The following LRRC4B variants were observed in gnomAD, a reference collection of about 807,000 sequenced individuals.
LRRC4B encodes the protein leucine-rich repeat-containing protein 4B.
LRRC4B carries 1 observed loss-of-function variant against 7.3 expected under a neutral mutation model. That is an observed-to-expected ratio of 0.14 (90% CI 0.05 to 0.65). The LOEUF is 0.65. LRRC4B is among the 30% of genes least tolerant of loss of function. The pLI is 0.84. For missense variants in LRRC4B, 730 were observed against 1,041.6 expected, an observed-to-expected ratio of 0.70 and a Z score of 4.12; for synonymous variants, 500 against 499.2, an observed-to-expected ratio of 1.00 and a Z score of -0.02.
In LRRC4B at chr19:50,548,882, G is replaced by C. The variant is rs1003628920; in HGVS notation, c.-35-9C>G. ...GCGTGGACGCTGGGGGGCTGTGGGT[G>C]GGGGAGAGAAGGGGGAGAGGCTTGG... On this transcript the variant is annotated splice_polypyrimidine_tract_variant and intron_variant, in intron 1 of 2. Transcript: ENST00000652263. The surrounding 1 kb of genome is among the most constrained non-coding windows in gnomAD (Gnocchi z 6.8). 2.3e-6 allele frequency: 3 copies of C among 1,320,942 alleles called. No individual in the cohort carries two copies. The highest frequency in any genetic ancestry group is 3.0e-6 in the Non-Finnish European group (3 of 994,900). The allele number at this position is 1,320,942 out of a possible 1,614,324, so 81.8% of individuals were successfully genotyped here.
Position 50,555,444 on chromosome 19 carries a change from G to A in LRRC4B, c.-35-6571C>T, listed in dbSNP as rs1251348138. On this transcript the variant is annotated intron_variant, in intron 1 of 2. Transcript: ENST00000652263. This position sits in a 1 kb window ranked among gnomAD's most constrained non-coding sequence, Gnocchi z 5.2. ...GCAGACACAGAAGGACCCCAAAGAG[G>A]AGAAGTACGAGGGGCAGAGAGTGGC... 1 of 153,278 alleles carries A rather than the reference G, an allele frequency of 6.5e-6. No homozygotes were observed. Among genetic ancestry groups the A allele is most frequent in the Non-Finnish European group, 1.5e-5 (1 of 68,860 alleles). The allele number at this position is 153,278 out of a possible 1,614,324, so 9.5% of individuals were successfully genotyped here.
chr19:50,540,282 C>T (rs1334593482), intron 2 of LRRC4B, among the ~76,000 whole-genome samples: 1 of 152,176 alleles, frequency 6.6e-6, no homozygotes, highest in Non-Finnish European at 1.5e-5. Flanking sequence ...AGGAGGTGAG[C>T]AGCAGGCGAG....
chr19:50,551,887 C>T, intron 1 of LRRC4B, among the ~76,000 whole-genome samples: 1 of 144,846 alleles, frequency 6.9e-6, no homozygotes, highest in Non-Finnish European at 1.5e-5. Context: ...CCTTCTTTCT[C>T]TCCTTCTGAA....
At chr19:50,561,926 T>C (rs1361804642) in intron 1 of LRRC4B, among the ~76,000 whole-genome samples, 1 of 150,624 alleles carries the variant, frequency 6.6e-6, no homozygotes, top group Non-Finnish European at 1.5e-5. Context: ...TGAAACGGTG[T>C]CTCTACCATA....
At position 50,544,079 on chromosome 19, in the gene LRRC4B, C is replaced by T. The variant is rs528667131; in HGVS notation, c.297+4463G>A. ...AAAATTAGCTGGGCGTGGTGGTGTG[C>T]GCCTGTAATCCCAGCTACTTGGGAG... On this transcript the variant is annotated intron_variant, in intron 2 of 2. Transcript: ENST00000652263. Among the ~76,000 whole-genome samples the T allele has an allele frequency of 1.9e-4, 29 of 151,728 alleles. 1 individual carries two copies. The South Asian group carries it at 4.6e-3, about 24-fold the overall frequency.
At chr19:50,567,515 C>A (rs538301334) in intron 1 of LRRC4B, among the ~76,000 whole-genome samples, 104 of 151,720 alleles carry the variant, frequency 6.9e-4, no homozygotes, top group African/African-American at 2.3e-3. Flanking sequence ...GTGCCCCCCC[C>A]ACCCCAAGCA....
chr19:50,540,456 G>C (rs189392380), intron 2 of LRRC4B, among the ~76,000 whole-genome samples: 2 of 152,018 alleles, frequency 1.3e-5, no homozygotes, highest in African/African-American at 4.8e-5. Context: ...TCCGCCTCTC[G>C]GGTTCAAGTG....
At chr19:50,525,565 C>T (rs994657557) in intron 2 of LRRC4B, among the ~76,000 whole-genome samples, 10 of 148,672 alleles carry the variant, frequency 6.7e-5, no homozygotes, top group Admixed American at 5.5e-4. Context: ...TCCACCACAC[C>T]CGGCTAATTT....
At chr19:50,521,706 G>A (rs1054913039) in intron 2 of LRRC4B, among the ~76,000 whole-genome samples, 1 of 151,940 alleles carries the variant, frequency 6.6e-6, no homozygotes, top group East Asian at 1.9e-4. Context: ...GATTACAGGC[G>A]TGAGCCACCG....
intron 2 of LRRC4B, among the ~76,000 whole-genome samples, chr19:50,521,662 G>A (rs1568716776): frequency 2.0e-5 from 3 of 151,832 alleles, no homozygotes; most frequent in Admixed American, 6.6e-5. Flanking sequence ...TCCTGACCTC[G>A]TGATCCACCC....
chr19:50,536,393 G>C (rs555978633), intron 2 of LRRC4B, among the ~76,000 whole-genome samples: 3 of 152,110 alleles, frequency 2.0e-5, no homozygotes, highest in Non-Finnish European at 1.5e-5. Context: ...TCAGCCTCCC[G>C]AAGTGCTAGG....
chr19:50,535,041 T>G (rs1388363824), intron 2 of LRRC4B, among the ~76,000 whole-genome samples: 1 of 150,574 alleles, frequency 6.6e-6, no homozygotes, highest in Non-Finnish European at 1.5e-5. Context: ...GCTAATTGTT[T>G]GTATTTTTAG....
Position 50,517,534 on chromosome 19 carries a change from G to A in LRRC4B, c.*37C>T. The A allele has an allele frequency of 7.2e-7, 1 of 1,395,902 alleles. No homozygotes were observed. The highest frequency in any genetic ancestry group is 9.3e-7 in the Non-Finnish European group (1 of 1,074,704). The allele number at this position is 1,395,902 out of a possible 1,614,324, so 86.5% of individuals were successfully genotyped here. Reference sequence around the variant, plus strand: ...TGCGCCCGGGCTGGGACCTGGGTGGGGGGCTCCACGCCCCTCGCCCGCCCG... The same window carrying A: ...TGCGCCCGGGCTGGGACCTGGGTGGAGGGCTCCACGCCCCTCGCCCGCCCG... On this transcript the variant is annotated 3_prime_UTR_variant, in exon 3 of 3. Transcript: ENST00000652263. The surrounding 1 kb of genome is among the most constrained non-coding windows in gnomAD (Gnocchi z 6.6).
At chr19:50,565,792 C>G (rs1982610325) in intron 1 of LRRC4B, among the ~76,000 whole-genome samples, 1 of 152,026 alleles carries the variant, frequency 6.6e-6, no homozygotes, top group Non-Finnish European at 1.5e-5. Flanking sequence ...CTGCCTCACC[C>G]GCGTGTCTGC....
intron 2 of LRRC4B, among the ~76,000 whole-genome samples, chr19:50,544,387 G>A (rs868633712): frequency 1.7e-4 from 26 of 149,536 alleles, no homozygotes; most frequent in South Asian, 1.3e-3. Context: ...GGCACCTGTA[G>A]TCCCAGCTAC....
Position 50,551,762 on chromosome 19 carries a change from G to T in LRRC4B, c.-35-2889C>A, listed in dbSNP as rs1331605373. ...GTTGTCTGTCTGTCCGTCTGTCTTG[G>T]TCCCTTTCTCCCCGGCTCTGTCTGT... On this transcript the variant is annotated intron_variant, in intron 1 of 2. Transcript: ENST00000652263. Among the ~76,000 whole-genome samples the T allele has an allele frequency of 3.3e-5, 5 of 151,136 alleles. No individual in the cohort carries two copies. In the East Asian group the frequency reaches 9.8e-4, roughly 30 times the overall value.
rs191904180 is a variant in LRRC4B at position 50,550,219 on chromosome 19, C to T, written c.-35-1346G>A. ...GCCTGTCCAAGGGCACAGAGCAGGC[C>T]GGGAGGGCGCAGAGGGGGTACTTCG... is the stretch of plus-strand genomic sequence containing the variant. On this transcript the variant is annotated intron_variant, in intron 1 of 2. Coordinates refer to ENST00000652263, the MANE Select transcript of LRRC4B (RefSeq NM_001080457.2). Among the ~76,000 whole-genome samples, 1,143 of 152,210 alleles carry T rather than the reference C, an allele frequency of 7.5e-3. 7 individuals carry two copies. The highest frequency in any genetic ancestry group is 0.012 in the Non-Finnish European group (818 of 67,998).
At chr19:50,544,314 G>T (rs931977639) in intron 2 of LRRC4B, among the ~76,000 whole-genome samples, 2 of 151,762 alleles carry the variant, frequency 1.3e-5, no homozygotes, top group African/African-American at 2.4e-5. Context: ...AGACCATCCT[G>T]GCTAACACAG....
At chr19:50,552,683 T>TCCATCCATCCATCCACCCATCCATCCAC (rs377729910) in intron 1 of LRRC4B, among the ~76,000 whole-genome samples, 2 of 121,354 alleles carry the variant, frequency 1.6e-5, no homozygotes, top group Non-Finnish European at 3.4e-5. Context: ...CATCCATCCA[T>TCCATCCATCCATCCACCCATCCATCCAC]CCATCCGTCC....
Sources: allele counts gnomAD v4.1 joint callset (sites outside exome capture counted in the v4.1 genomes callset), GRCh38; gene constraint gnomAD v4.1.1; non-coding constraint Gnocchi (gnomAD v3.1); transcripts MANE v1.5; gene names NCBI Gene and HGNC (gene_info 2026-07-23, HGNC 2026-07-21).